Variants in IFNL1 observed in about 807,000 individuals in gnomAD.
IFNL1 encodes interferon lambda-1.
In IFNL1, 16 loss-of-function variants were observed where a neutral mutation model predicts 17.1. The observed-to-expected ratio is 0.93, with a 90% CI of 0.63 to 1.42. The LOEUF is 1.42. IFNL1 is among the 40% of genes most tolerant of loss of function. The pLI, the probability that IFNL1 is intolerant of heterozygous loss-of-function variation, is 0.00. For missense variants in IFNL1, 262 were observed against 249.4 expected (o/e 1.05, Z -0.34); for synonymous variants, 104 against 111.4 (o/e 0.93, Z 0.42).
rs1288504676 is a variant in IFNL1, at chr19:39,296,458, G to C, written c.37G>C (p.Val13Leu). ...AAWTVVLVTLVLGLAVAGPVP... is the reference protein window; with the variant it reads ...AAWTVVLVTLLLGLAVAGPVP... ...TTGGACCGTGGTGCTGGTGACTTTG[G>C]TGCTAGGCTTGGCCGTGGCAGGCCC... is the stretch of plus-strand genomic sequence containing the variant. The change falls in exon 1 of 5, where the codon GTG (valine) becomes CTG (leucine). Residue 13 changes from valine to leucine, a missense_variant. Val to Leu is a conservative substitution (Grantham distance 32). Transcript: ENST00000333625. The C allele has an allele frequency of 6.2e-7, 1 of 1,612,104 alleles. No individual in the cohort carries two copies. Among genetic ancestry groups the C allele is most frequent in the South Asian group, 1.1e-5 (1 of 90,938 alleles).
chr19:39,296,680 T>C, intron 1 of IFNL1, 88 bp downstream of exon 1: 1 of 1,498,976 alleles, frequency 6.7e-7, no homozygotes. Context: ...GCCTTCCAAC[T>C]ATGGCAAACC....
At chr19:39,298,189 C>T (rs759509974) in intron 3 of IFNL1, 24 bp from the exon 4 acceptor site, 2 of 1,613,846 alleles carry the variant, frequency 1.2e-6, no homozygotes, top group Non-Finnish European at 1.7e-6. Flanking sequence ...CTCCGCCTCA[C>T]ACACCGCCCT....
At chr19:39,296,910 C>T (rs748875497) in intron 2 of IFNL1, 28 bp downstream of exon 2, 2 of 1,568,188 alleles carry the variant, frequency 1.3e-6, no homozygotes, top group South Asian at 1.1e-5. Context: ...CCCCCTTCAC[C>T]CTTCCCTTGA....
chr19:39,296,695 T>C (rs565884940), intron 1 of IFNL1, 103 bp downstream of exon 1: 4 of 1,487,314 alleles, frequency 2.7e-6, no homozygotes, highest in South Asian at 2.4e-5. Flanking sequence ...CAAACCTCTA[T>C]CCTTTCTGCA....
chr19:39,298,148 G>A, intron 3 of IFNL1, 41 bp downstream of exon 3: 2 of 1,613,130 alleles, frequency 1.2e-6, no homozygotes, highest in Non-Finnish European at 8.5e-7. Flanking sequence ...TGTGGGCTCT[G>A]AGCAGCATCC....
intron 1 of IFNL1, 64 bp from the exon 2 acceptor site, chr19:39,296,741 C>A: frequency 2.0e-6 from 3 of 1,529,514 alleles, no homozygotes; most frequent in Middle Eastern, 3.4e-4. Flanking sequence ...CAACTTCATC[C>A]TTGCTGCTAT....
At chr19:39,296,933 T>A in intron 2 of IFNL1, 51 bp downstream of exon 2, 1 of 1,365,426 alleles carries the variant, frequency 7.3e-7, no homozygotes, top group Non-Finnish European at 1.0e-6. Flanking sequence ...CTCTCCCCCC[T>A]CTTCTTAAGT....
Position 39,296,449 on chromosome 19 carries a change from G to C in IFNL1, c.28G>C (p.Val10Leu). 6.2e-7 allele frequency: 1 copy of C among 1,611,866 alleles called. No homozygotes were observed. Among genetic ancestry groups the C allele is most frequent in the South Asian group, 1.1e-5 (1 of 90,906 alleles). The change falls in exon 1 of 5, where the codon GTG becomes CTG. Residue 10 changes from valine (V) to leucine (L), a missense_variant. Physicochemically the swap from Val to Leu is conservative, Grantham distance 32 (BLOSUM62 1). Transcript: ENST00000333625. ...GGCTGCAGCTTGGACCGTGGTGCTG[G>C]TGACTTTGGTGCTAGGCTTGGCCGT... MAAAWTVVLVTLVLGLAVAG... is the reference protein window; with the variant it reads MAAAWTVVLLTLVLGLAVAG...
rs1316768553 is a variant in IFNL1 at position 39,298,381 on chromosome 19, T to A, written c.478-10T>A. On this transcript the variant is annotated splice_polypyrimidine_tract_variant and intron_variant, in intron 4 of 4. Coordinates refer to ENST00000333625, the MANE Select transcript of IFNL1 (RefSeq NM_172140.2). Reference sequence around the variant, plus strand: ...GGACAGCCCCTGACCCATCCCCTCCTCCCCTACAGGAGTCCGCTGGCTGCC... The same window carrying A: ...GGACAGCCCCTGACCCATCCCCTCCACCCCTACAGGAGTCCGCTGGCTGCC... 3 of 1,613,958 alleles carry A rather than the reference T, an allele frequency of 1.9e-6. No homozygotes were observed. The highest frequency in any genetic ancestry group is 2.5e-6 in the Non-Finnish European group (3 of 1,180,010).
intron 2 of IFNL1, 27 bp downstream of exon 2, chr19:39,296,909 C>G: frequency 6.4e-7 from 1 of 1,573,018 alleles, no homozygotes; most frequent in Non-Finnish European, 8.7e-7. Context: ...GCCCCCTTCA[C>G]CCTTCCCTTG....
rs748154928 is a variant in IFNL1 at position 39,296,540 on chromosome 19, A to G, written c.119A>G (p.Lys40Arg). The G allele has an allele frequency of 3.3e-5, 53 of 1,613,816 alleles. No homozygotes were observed. In the East Asian group the frequency reaches 1.1e-3, roughly 33 times the overall value. Residue 40 changes from lysine to arginine, a missense_variant, in exon 1 of 5, where the codon AAA becomes AGA. Transcript: ENST00000333625. ...TGKGCHIGRFKSLSPQELASF... is the reference protein window; with the variant it reads ...TGKGCHIGRFRSLSPQELASF... The stretch of plus-strand genomic sequence containing the variant: ...AAGGGCTGCCACATTGGCAGGTTCA[A>G]ATCTCTGTCACCACAGGAGCTAGCG...
At chr19:39,297,553 C>A (rs957758318) in intron 2 of IFNL1, among the ~76,000 whole-genome samples, 10 of 152,040 alleles carry the variant, frequency 6.6e-5, no homozygotes, top group African/African-American at 2.4e-4. Context: ...ATCCTGACCT[C>A]AGGTGATCCA....
rs761544565 is a variant in IFNL1, at chr19:39,298,275, G to A, written c.456G>A (p.Arg152=). ...PRGRLHHWLH[R]LQEAPKKESA... ...GCCGCCTCCACCACTGGCTGCACCG[G>A]CTCCAGGAGGCCCCCAAAAAGGTGA... The change falls in exon 4 of 5, where the codon CGG becomes CGA. Residue 152 remains arginine (R), a synonymous_variant. Coordinates refer to ENST00000333625, the MANE Select transcript of IFNL1 (RefSeq NM_172140.2). 3.7e-6 allele frequency: 6 copies of A among 1,614,178 alleles called. No individual in the cohort carries two copies. The Admixed American group carries it at 1.0e-4, about 27-fold the overall frequency.
rs2075106364 is a variant in IFNL1 at position 39,298,212 on chromosome 19, G to A, written c.394-1G>A. 2 of 1,614,006 alleles carry A rather than the reference G, an allele frequency of 1.2e-6. No homozygotes were observed. Among genetic ancestry groups the A allele is most frequent in the Non-Finnish European group, 1.7e-6 (2 of 1,179,976 alleles). On this transcript the variant is annotated splice_acceptor_variant, in intron 3 of 4. Transcript: ENST00000333625. LOFTEE classifies it high-confidence loss of function. ...CACACACCGCCCTCTTCTGCCCACA[G>A]ATCCAGCCTCAGCCCACAGCAGGGC... is the stretch of plus-strand genomic sequence containing the variant.
At position 39,296,847 on chromosome 19, in the gene IFNL1, G is replaced by A. The variant is rs1347715073; in HGVS notation, c.214G>A (p.Val72Ile). 1.9e-6 allele frequency: 3 copies of A among 1,614,020 alleles called. No homozygotes were observed. The highest frequency in any genetic ancestry group is 2.5e-6 in the Non-Finnish European group (3 of 1,180,000). The change falls in exon 2 of 5, where the codon GTC becomes ATC. Residue 72 changes from valine (V) to isoleucine (I), a missense_variant. Transcript: ENST00000333625. ...KLKNWSCSSP[V>I]FPGNWDLRLL... The stretch of plus-strand genomic sequence containing the variant: ...GAAAAACTGGAGTTGCAGCTCTCCT[G>A]TCTTCCCCGGGAATTGGGACCTGAG...
Position 39,296,820 on chromosome 19 carries a change from C to A in IFNL1, c.187C>A (p.Leu63Met), listed in dbSNP as rs773775294. 1.2e-6 allele frequency: 2 copies of A among 1,613,602 alleles called. No individual in the cohort carries two copies. Among genetic ancestry groups the A allele is most frequent in the East Asian group, 4.5e-5 (2 of 44,896 alleles). Reference protein sequence around the residue: ...ARDALEESLKLKNWSCSSPVF... With the variant: ...ARDALEESLKMKNWSCSSPVF... ...TGCTCTCTAGGAAGAGTCACTCAAG[C>A]TGAAAAACTGGAGTTGCAGCTCTCC... The change falls in exon 2 of 5, where the codon CTG becomes ATG. Residue 63 changes from leucine (L) to methionine (M), a missense_variant. By Grantham distance (15) the Leu-to-Met change is conservative. Coordinates refer to ENST00000333625, the MANE Select transcript of IFNL1 (RefSeq NM_172140.2).
In IFNL1 at chr19:39,298,419, T is replaced by C; in HGVS notation, c.506T>C (p.Val169Ala). Residue 169 changes from valine (V) to alanine (A), a missense_variant, in exon 5 of 5, where the codon GTC becomes GCC. Coordinates refer to ENST00000333625, the MANE Select transcript of IFNL1 (RefSeq NM_172140.2). The stretch of plus-strand genomic sequence containing the variant: ...TCCGCTGGCTGCCTGGAGGCATCTG[T>C]CACCTTCAACCTCTTCCGCCTCCTC... ...KESAGCLEAS[V>A]TFNLFRLLTR... 1 of 1,614,206 alleles carries C rather than the reference T, an allele frequency of 6.2e-7. No individual in the cohort carries two copies. The highest frequency in any genetic ancestry group is 8.5e-7 in the Non-Finnish European group (1 of 1,180,026).
intron 1 of IFNL1, 32 bp from the exon 2 acceptor site, chr19:39,296,773 G>A (rs149518244): frequency 3.1e-6 from 5 of 1,594,662 alleles, no homozygotes; most frequent in Non-Finnish European, 4.3e-6. Flanking sequence ...CAGCCATCCT[G>A]CTGTGGGCTA....
In IFNL1 at chr19:39,296,570, T is replaced by G; in HGVS notation, c.149T>G (p.Phe50Cys). 1.9e-6 allele frequency: 3 copies of G among 1,612,274 alleles called. No homozygotes were observed. The highest frequency in any genetic ancestry group is 2.5e-6 in the Non-Finnish European group (3 of 1,179,468). Residue 50 changes from phenylalanine to cysteine, a missense_variant, in exon 1 of 5, where the codon TTC becomes TGC. Phe to Cys is a radical substitution (Grantham distance 205). Transcript: ENST00000333625. The part of the protein sequence containing the change: ...KSLSPQELAS[F>C]KKARDALEES... ...CTGTCACCACAGGAGCTAGCGAGCT[T>G]CAAGAAGGCCAGGGACGCCTTGGTG...
Sources: allele counts gnomAD v4.1 joint callset (sites outside exome capture counted in the v4.1 genomes callset), GRCh38; gene constraint gnomAD v4.1.1; transcripts MANE v1.5; gene names NCBI Gene and HGNC (gene_info 2026-07-23, HGNC 2026-07-21).